Variants in FSTL5 observed in about 807,000 individuals in gnomAD.
The protein encoded by FSTL5 is follistatin-related protein 5.
A neutral mutation model predicts 89.1 loss-of-function variants in FSTL5; 62 were observed. The observed-to-expected ratio is 0.70, with a 90% CI of 0.57 to 0.86. The LOEUF is 0.86. FSTL5 is among the 40% of genes least tolerant of loss of function. The probability of loss-of-function intolerance (pLI) is 0.00; values close to 1 mark genes in which losing one functional copy is unlikely to be tolerated. For synonymous variants in FSTL5, 383 were observed against 346.2 expected (o/e 1.11, Z -1.18); for missense variants, 1,057 against 1,001.6 (o/e 1.06, Z -0.75).
At chr4:161,862,898 AT>A (rs1366981964) in intron 4 of FSTL5, among the ~76,000 whole-genome samples, 100 of 152,306 alleles carry the variant, frequency 6.6e-4, no homozygotes, top group African/African-American at 2.3e-3. Context: ...TGAGTAAAAA[AT>A]ATATGTATTG....
intron 3 of FSTL5, among the ~76,000 whole-genome samples, chr4:161,980,110 A>C (rs2111044226): frequency 6.8e-6 from 1 of 146,998 alleles, no homozygotes; most frequent in Non-Finnish European, 1.5e-5. Context: ...AAGAGGAAGG[A>C]AGGAGAGAAA....
At chr4:161,663,834 T>C (rs1736796166) in intron 6 of FSTL5, among the ~76,000 whole-genome samples, 1 of 152,210 alleles carries the variant, frequency 6.6e-6, no homozygotes, top group African/African-American at 2.4e-5. Context: ...AACTTATGCC[T>C]GGGCATCCAG....
chr4:161,396,544 C>T (rs1731006347), intron 15 of FSTL5, among the ~76,000 whole-genome samples: 1 of 149,926 alleles, frequency 6.7e-6, no homozygotes, highest in African/African-American at 2.5e-5. Flanking sequence ...ATCCCAGCTA[C>T]TCAGGAAGCA....
intron 15 of FSTL5, among the ~76,000 whole-genome samples, chr4:161,454,004 G>T (rs946271500): frequency 6.6e-5 from 10 of 152,094 alleles, no homozygotes; most frequent in African/African-American, 2.4e-4. Flanking sequence ...GCTTGGCTTT[G>T]CAAGGAATAA....
chr4:161,499,654 T>C (rs1207315407), intron 12 of FSTL5, among the ~76,000 whole-genome samples: 1 of 152,182 alleles, frequency 6.6e-6, no homozygotes, highest in African/African-American at 2.4e-5. Context: ...CACCAGATTA[T>C]GTACAGGATA....
intron 3 of FSTL5, among the ~76,000 whole-genome samples, chr4:161,967,079 C>CAA (rs11385218): frequency 3.4e-4 from 43 of 125,464 alleles, no homozygotes; most frequent in Non-Finnish European, 4.3e-4. Context: ...TTCTGTTTCA[C>CAA]AAAAAAAAAA....
intron 2 of FSTL5, among the ~76,000 whole-genome samples, chr4:162,074,647 C>A (rs1277453224): frequency 1.3e-5 from 2 of 151,636 alleles, no homozygotes; most frequent in Admixed American, 1.3e-4. Context: ...CTTCAATTTA[C>A]AAATAAAAAT....
At chr4:162,068,440 A>C (rs1018566205) in intron 2 of FSTL5, among the ~76,000 whole-genome samples, 1 of 152,162 alleles carries the variant, frequency 6.6e-6, no homozygotes, top group Non-Finnish European at 1.5e-5. Flanking sequence ...ATCAAAAGCA[A>C]GCAATGGGGG....
At chr4:161,824,887 T>C (rs946422737) in intron 4 of FSTL5, among the ~76,000 whole-genome samples, 1 of 152,066 alleles carries the variant, frequency 6.6e-6, no homozygotes, top group Non-Finnish European at 1.5e-5. Context: ...CCTTTATTTC[T>C]TTCTCTTGTC....
chr4:162,070,473 C>T (rs1729569740), intron 2 of FSTL5, among the ~76,000 whole-genome samples: 1 of 151,760 alleles, frequency 6.6e-6, no homozygotes, highest in Non-Finnish European at 1.5e-5. Context: ...CTACAGGTTG[C>T]ATAGTTTTGA....
In FSTL5 at chr4:161,866,465, AGTGTGTGTGTGT is replaced by A. The variant is rs70937692; in HGVS notation, c.409+53927_409+53938del. 4.2e-3 allele frequency among the ~76,000 whole-genome samples: 553 copies of A among 131,936 alleles called. 2 individuals carry two copies. Among genetic ancestry groups the A allele is most frequent in the African/African-American group, 0.01 (368 of 35,428 alleles). 86.6% of individuals were successfully genotyped at this position (131,936 alleles called of 152,430 possible). ...GGTGTTTTATAGTGTTCTAAGCTGT[AGTGTGTGTGTGT>A]GTGTGTGTGTGTGTGTGTGTGTGTG... On this transcript the variant is annotated intron_variant, in intron 4 of 15. Coordinates refer to ENST00000306100, the MANE Select transcript of FSTL5 (RefSeq NM_020116.5).
intron 3 of FSTL5, among the ~76,000 whole-genome samples, chr4:161,928,221 C>T (rs1398659636): frequency 6.6e-6 from 1 of 151,822 alleles, no homozygotes; most frequent in Admixed American, 6.6e-5. Flanking sequence ...TCCTCCTTGT[C>T]CATGTTTGGC....
chr4:162,023,423 CAT>C (rs1324340378), intron 3 of FSTL5, among the ~76,000 whole-genome samples: 2 of 152,152 alleles, frequency 1.3e-5, no homozygotes, highest in South Asian at 2.1e-4. Flanking sequence ...AAACCACACA[CAT>C]GTTTTCTCTA....
chr4:161,566,205 T>C (rs1392388462), intron 8 of FSTL5, among the ~76,000 whole-genome samples: 2 of 149,072 alleles, frequency 1.3e-5, no homozygotes, highest in African/African-American at 4.9e-5. Context: ...ATAATGTCTT[T>C]TGCAGCAATT....
chr4:162,135,983 G>A (rs1315264349), intron 1 of FSTL5, among the ~76,000 whole-genome samples: 2 of 151,678 alleles, frequency 1.3e-5, no homozygotes, highest in African/African-American at 2.4e-5. Context: ...ATGCACTCTT[G>A]TGACTCTGGT....
At chr4:162,119,090 T>G (rs1404264836) in intron 1 of FSTL5, among the ~76,000 whole-genome samples, 1 of 151,916 alleles carries the variant, frequency 6.6e-6, no homozygotes, top group Non-Finnish European at 1.5e-5. Context: ...GAAATGTAGG[T>G]GTGCACCTAT....
chr4:161,805,721 T>C (rs747017915), intron 4 of FSTL5, among the ~76,000 whole-genome samples: 2 of 152,100 alleles, frequency 1.3e-5, no homozygotes, highest in Non-Finnish European at 2.9e-5. Context: ...ATTATCACCA[T>C]AAAATATGGA....
intron 2 of FSTL5, among the ~76,000 whole-genome samples, chr4:162,068,292 C>T (rs1179373325): frequency 6.6e-6 from 1 of 152,054 alleles, no homozygotes; most frequent in Non-Finnish European, 1.5e-5. Flanking sequence ...TGGCACCTGA[C>T]TCCAAACTAT....
chr4:161,494,047 T>C (rs1016956926), intron 12 of FSTL5, among the ~76,000 whole-genome samples: 1 of 152,170 alleles, frequency 6.6e-6, no homozygotes, highest in African/African-American at 2.4e-5. Flanking sequence ...ACATCTACGA[T>C]GTCAAGCACC....
Sources: allele counts gnomAD v4.1 joint callset (sites outside exome capture counted in the v4.1 genomes callset), GRCh38; gene constraint gnomAD v4.1.1; transcripts MANE v1.5; gene names NCBI Gene and HGNC (gene_info 2026-07-23, HGNC 2026-07-21).